Variants in ARIH1 observed in about 807,000 individuals in gnomAD.
The protein encoded by ARIH1 is ariadne RBR E3 ubiquitin protein ligase 1, also known as E3 ubiquitin-protein ligase ARIH1.
In ARIH1, 8 loss-of-function variants were observed where a neutral mutation model predicts 85.0. That is an observed-to-expected ratio of 0.09 (90% CI 0.06 to 0.17). The LOEUF (loss-of-function observed/expected upper bound fraction) is 0.17. Among genes scored for constraint, ARIH1 ranks in the 10% least tolerant of loss-of-function variants. The pLI is 1.00. For synonymous variants in ARIH1, 238 were observed against 253.6 expected, an observed-to-expected ratio of 0.94 and a Z score of 0.59; for missense variants, 311 against 718.1, an observed-to-expected ratio of 0.43 and a Z score of 6.48.
chr15:72,510,375 TTTTC>T (rs1366247737), intron 1 of ARIH1, among the ~76,000 whole-genome samples: 1 of 152,150 alleles, frequency 6.6e-6, no homozygotes, highest in East Asian at 1.9e-4. Flanking sequence ...GTCACAAACA[TTTTC>T]TTTAAGTTTT....
At chr15:72,533,024 G>A (rs547998829) in intron 2 of ARIH1, among the ~76,000 whole-genome samples, 2 of 152,196 alleles carry the variant, frequency 1.3e-5, no homozygotes, top group Non-Finnish European at 2.9e-5. Context: ...TGTGGATATC[G>A]TATCTCCAGT....
chr15:72,528,073 G>GT (rs1426747158), intron 2 of ARIH1, among the ~76,000 whole-genome samples: 3 of 151,296 alleles, frequency 2.0e-5, no homozygotes, highest in Non-Finnish European at 4.4e-5. Flanking sequence ...TTGATAACAA[G>GT]TAAAAAAAAA....
intron 1 of ARIH1, 188 bp downstream of exon 1, chr15:72,475,202 G>C: frequency 8.0e-7 from 1 of 1,257,202 alleles, no homozygotes; most frequent in South Asian, 1.8e-5. Flanking sequence ...GATTAGCCGG[G>C]TGTGGGGAGG....
At chr15:72,563,651 A>G (rs2064206559) in intron 7 of ARIH1, 151 bp downstream of exon 7, 1 of 648,092 alleles carries the variant, frequency 1.5e-6, no homozygotes, top group Non-Finnish European at 2.6e-6. Flanking sequence ...CTCTTTCAGA[A>G]TTGAATGAAA....
chr15:72,562,812 A>G (rs2064202788), intron 6 of ARIH1, among the ~76,000 whole-genome samples: 3 of 152,208 alleles, frequency 2.0e-5, no homozygotes. Context: ...TATTTAATTA[A>G]AGTTATTCAG....
chr15:72,538,889 A>G (rs1216988452), intron 2 of ARIH1, among the ~76,000 whole-genome samples: 2 of 152,246 alleles, frequency 1.3e-5, no homozygotes, highest in Non-Finnish European at 2.9e-5. Flanking sequence ...TATTGTCTAT[A>G]TGAAAATCTT....
rs569901814 is a variant in ARIH1 at position 72,524,880 on chromosome 15, AG to A, written c.443+6748del. 5.9e-5 allele frequency among the ~76,000 whole-genome samples: 9 copies of A among 152,216 alleles called. No individual in the cohort carries two copies. In the South Asian group the frequency reaches 1.9e-3, roughly 32 times the overall value. ...AATGATTGAATCAACGACTCTTAGTAGGATTTCTCTTTTTTTCCTTTTGAGA... is the reference window on the plus strand; with the variant it reads ...AATGATTGAATCAACGACTCTTAGTAGATTTCTCTTTTTTTCCTTTTGAGA... On this transcript the variant is annotated intron_variant, in intron 2 of 13. Transcript: ENST00000379887.
chr15:72,587,070 A>G lies in ARIH1; in HGVS notation c.*3778A>G. 1 of 404,876 alleles carries G rather than the reference A, an allele frequency of 2.5e-6. No individual in the cohort carries two copies. The highest frequency in any genetic ancestry group is 1.8e-5 in the South Asian group (1 of 54,814). 25.1% of individuals were successfully genotyped at this position (404,876 alleles called of 1,614,324 possible). A position where few individuals can be genotyped will look rare whatever the true frequency, so the allele number is the denominator to read the frequency against. On this transcript the variant is annotated 3_prime_UTR_variant, in exon 14 of 14. Coordinates refer to ENST00000379887, the MANE Select transcript of ARIH1 (RefSeq NM_005744.5). The stretch of plus-strand genomic sequence containing the variant: ...TTTACTCTTATTTGGATCTGTAATT[A>G]TGGGAGTTTATCACTTTTCCTCTTC...
In ARIH1 at chr15:72,593,805, AG is replaced by A. The variant is rs1395737677; in HGVS notation, c.*10514del. ...TGTCGATTCTTTGGATTGTCATAAAAGTTTTACAATTAGCTCATCTTGTTTT... is the reference window on the plus strand; with the variant it reads ...TGTCGATTCTTTGGATTGTCATAAAATTTTACAATTAGCTCATCTTGTTTT... On this transcript the variant is annotated 3_prime_UTR_variant, in exon 14 of 14. Transcript: ENST00000379887. The A allele has an allele frequency of 1.3e-5, 2 of 152,138 alleles. No individual in the cohort carries two copies. The highest frequency in any genetic ancestry group is 4.8e-5 in the African/African-American group (2 of 41,422). The allele number at this position is 152,138 out of a possible 1,614,324, so 9.4% of individuals were successfully genotyped here.
At chr15:72,510,229 A>G (rs2140406449) in intron 1 of ARIH1, among the ~76,000 whole-genome samples, 1 of 152,308 alleles carries the variant, frequency 6.6e-6, no homozygotes, top group South Asian at 2.1e-4. Context: ...TGTAATTTGC[A>G]GGTATCTTCT....
intron 1 of ARIH1, among the ~76,000 whole-genome samples, chr15:72,515,262 G>A (rs957822751): frequency 6.6e-6 from 1 of 152,124 alleles, no homozygotes; most frequent in Admixed American, 6.6e-5. Flanking sequence ...GCTTGAACCC[G>A]GGAGGTGGAG....
intron 8 of ARIH1, among the ~76,000 whole-genome samples, chr15:72,566,878 G>C (rs968089116): frequency 2.0e-5 from 3 of 152,094 alleles, no homozygotes; most frequent in African/African-American, 7.2e-5. Context: ...TTCTCTTCAA[G>C]CTCTAGGTTC....
chr15:72,508,626 G>A (rs776263327), intron 1 of ARIH1, among the ~76,000 whole-genome samples: 3 of 151,794 alleles, frequency 2.0e-5, no homozygotes, highest in South Asian at 2.1e-4. Flanking sequence ...CATTGTGCCC[G>A]GCACTAAATA....
rs559511311 is a variant in ARIH1 at position 72,523,810 on chromosome 15, G to GT, written c.443+5686dup. The stretch of plus-strand genomic sequence containing the variant: ...CTTAAACTGCTCTAAAAAATAATAA[G>GT]TTTTTTTTTTCTTTTAAAGGGGGAA... On this transcript the variant is annotated intron_variant, in intron 2 of 13. Coordinates refer to ENST00000379887, the MANE Select transcript of ARIH1 (RefSeq NM_005744.5). Among the ~76,000 whole-genome samples the GT allele has an allele frequency of 2.1e-3, 290 of 139,102 alleles. 2 individuals are homozygous for GT. Among genetic ancestry groups the GT allele is most frequent in the Admixed American group, 0.011 (139 of 12,972 alleles). The allele number at this position is 139,102 out of a possible 152,430, so 91.3% of individuals were successfully genotyped here. A position where few individuals can be genotyped will look rare whatever the true frequency, so the allele number is the denominator to read the frequency against.
In ARIH1 at chr15:72,582,202, A is replaced by T; in HGVS notation, c.1589+15A>T. 6.3e-7 allele frequency: 1 copy of T among 1,578,210 alleles called. No homozygotes were observed. The highest frequency in any genetic ancestry group is 1.1e-5 in the South Asian group (1 of 88,894). ...GACAAGTACAGGTAATTTTTTTTTA[A>T]GCTGTTGAATAAAACTTTCTGCCAG... On this transcript the variant is annotated intron_variant, in intron 13 of 13. Coordinates refer to ENST00000379887, the MANE Select transcript of ARIH1 (RefSeq NM_005744.5). The surrounding 1 kb of genome is among the most constrained non-coding windows in gnomAD (Gnocchi z 4.6).
intron 3 of ARIH1, among the ~76,000 whole-genome samples, chr15:72,547,384 C>T (rs1308106027): frequency 6.6e-6 from 1 of 151,544 alleles, no homozygotes. Flanking sequence ...AAGCGCCGGC[C>T]ACCACACCCG....
At chr15:72,547,433 A>G (rs973742244) in intron 3 of ARIH1, among the ~76,000 whole-genome samples, 1 of 152,160 alleles carries the variant, frequency 6.6e-6, no homozygotes, top group South Asian at 2.1e-4. Flanking sequence ...GGGTTTCACC[A>G]TATTGGCCAG....
At position 72,513,877 on chromosome 15, in the gene ARIH1, C is replaced by T. The variant is rs1057080265; in HGVS notation, c.376-4190C>T. On this transcript the variant is annotated intron_variant, in intron 1 of 13. Coordinates refer to ENST00000379887, the MANE Select transcript of ARIH1 (RefSeq NM_005744.5). The stretch of plus-strand genomic sequence containing the variant: ...TCTCTCCCTCCTTCCCTCTACCCCC[C>T]GCCCCGCCTCCGCCAAAGACAGAGT... Among the ~76,000 whole-genome samples the T allele has an allele frequency of 5.7e-4, 77 of 135,986 alleles. 1 individual carries two copies. Among genetic ancestry groups the T allele is most frequent in the African/African-American group, 2.1e-3 (74 of 35,568 alleles). 89.2% of individuals were successfully genotyped at this position (135,986 alleles called of 152,430 possible). A position where few individuals can be genotyped will look rare whatever the true frequency, so the allele number is the denominator to read the frequency against.
intron 1 of ARIH1, among the ~76,000 whole-genome samples, chr15:72,490,755 T>C (rs1370699943): frequency 4.6e-5 from 7 of 151,972 alleles, no homozygotes; most frequent in African/African-American, 1.4e-4. Flanking sequence ...GGGCAGCCAA[T>C]AGCATAGGAA....
Sources: gnomAD v4.1 joint callset for allele counts (sites outside exome capture counted in the v4.1 genomes callset) on GRCh38, gnomAD v4.1.1 for gene constraint, Gnocchi (gnomAD v3.1) non-coding constraint, MANE v1.5 for transcripts, NCBI Gene and HGNC (gene_info 2026-07-23, HGNC 2026-07-21) for gene names.